Variants in PAFAH1B2 observed in about 807,000 individuals in gnomAD.
PAFAH1B2 encodes platelet activating factor acetylhydrolase 1b catalytic subunit 2, also known as platelet-activating factor acetylhydrolase IB subunit alpha2.
A neutral mutation model predicts 28.0 loss-of-function variants in PAFAH1B2; 8 were observed. That is an observed-to-expected ratio of 0.29 (90% CI 0.17 to 0.52). The LOEUF (loss-of-function observed/expected upper bound fraction) is 0.52. Ranked by LOEUF, PAFAH1B2 falls within the 20% of genes least tolerant of loss-of-function variation. The probability of loss-of-function intolerance (pLI) is 0.97; values close to 1 mark genes in which losing one functional copy is unlikely to be tolerated. For missense variants in PAFAH1B2, 190 were observed against 282.6 expected, an observed-to-expected ratio of 0.67 and a Z score of 2.35; for synonymous variants, 104 against 103.2, an observed-to-expected ratio of 1.01 and a Z score of -0.05.
At chr11:117,148,349 C>CGGCCTCTAT (rs1485146794) in intron 1 of PAFAH1B2, among the ~76,000 whole-genome samples, 2 of 152,034 alleles carry the variant, frequency 1.3e-5, no homozygotes, top group African/African-American at 2.4e-5. Context: ...CCACCATGCC[C>CGGCCTCTAT]GGCCTCTATG....
At chr11:117,145,797 T>C (rs1322001649) in intron 1 of PAFAH1B2, among the ~76,000 whole-genome samples, 2 of 152,110 alleles carry the variant, frequency 1.3e-5, no homozygotes, top group Non-Finnish European at 2.9e-5. Context: ...TTCAACTTTC[T>C]TCATCTGTTT....
At chr11:117,164,414 A>AAG (rs1356470412) in intron 5 of PAFAH1B2, among the ~76,000 whole-genome samples, 1 of 151,874 alleles carries the variant, frequency 6.6e-6, no homozygotes, top group Non-Finnish European at 1.5e-5. Context: ...CTCAAAAAAA[A>AAG]AAAGTATGGA....
At chr11:117,165,299 G>A (rs186163639) in intron 5 of PAFAH1B2, among the ~76,000 whole-genome samples, 38 of 147,708 alleles carry the variant, frequency 2.6e-4, no homozygotes, top group African/African-American at 7.5e-4. Flanking sequence ...GCAGTGAGCC[G>A]AGATCGTGCC....
At chr11:117,163,026 T>A in intron 4 of PAFAH1B2, among the ~76,000 whole-genome samples, 1 of 152,252 alleles carries the variant, frequency 6.6e-6, no homozygotes, top group Non-Finnish European at 1.5e-5. Context: ...TAATCTTTTT[T>A]GTATAATTTT....
intron 2 of PAFAH1B2, 182 bp from the exon 3 acceptor site, chr11:117,159,750 AAG>A: frequency 3.8e-6 from 2 of 523,978 alleles, no homozygotes; most frequent in Non-Finnish European, 6.8e-6. Context: ...AAAAAAAAAA[AAG>A]AAAGAAAAAA....
intron 1 of PAFAH1B2, among the ~76,000 whole-genome samples, chr11:117,149,429 C>CGTTTTTTTTTTT (rs1956092229): frequency 6.0e-5 from 2 of 33,518 alleles, no homozygotes; most frequent in South Asian, 5.8e-4. Flanking sequence ...GTTTTCTAAT[C>CGTTTTTTTTTTT]GTTTTTTTTT....
chr11:117,170,648 G>C lies in PAFAH1B2; in HGVS notation c.*2949G>C, dbSNP rs76205794. On this transcript the variant is annotated 3_prime_UTR_variant, in exon 6 of 6. Transcript: ENST00000527958. ...GTTTAAAAAAAAAAAAAAAAAAAAAGTCCAACTTACTTTATTTTATTTTTT... is the reference window on the plus strand; with the variant it reads ...GTTTAAAAAAAAAAAAAAAAAAAAACTCCAACTTACTTTATTTTATTTTTT... The C allele has an allele frequency of 7.6e-6, 6 of 793,068 alleles. No individual in the cohort carries two copies. The highest frequency in any genetic ancestry group is 2.1e-5 in the African/African-American group (1 of 48,462). The allele number at this position is 793,068 out of a possible 1,614,324, so 49.1% of individuals were successfully genotyped here.
chr11:117,160,372 TCTTA>T (rs1356502783), intron 3 of PAFAH1B2, among the ~76,000 whole-genome samples: 2 of 152,270 alleles, frequency 1.3e-5, no homozygotes, highest in Non-Finnish European at 2.9e-5. Context: ...TAGTCATGAT[TCTTA>T]CTTATATTTT....
chr11:117,155,199 C>T (rs557319636), intron 2 of PAFAH1B2, among the ~76,000 whole-genome samples: 34 of 152,028 alleles, frequency 2.2e-4, no homozygotes, highest in African/African-American at 7.7e-4. Flanking sequence ...AGGTGATCCA[C>T]GCACCTTAGC....
chr11:117,159,978 A>T lies in PAFAH1B2; in HGVS notation c.126A>T (p.Val42=). 6.2e-7 allele frequency: 1 copy of T among 1,614,028 alleles called. No individual in the cohort carries two copies. The highest frequency in any genetic ancestry group is 1.3e-5 in the African/African-American group (1 of 75,048). ...ACTGTAAAGACAAAGAGCCTGATGT[A>T]CTGTTCGTGGGAGACTCCATGGTGC... The part of the protein sequence containing the change: ...VLDCKDKEPD[V]LFVGDSMVQL... Residue 42 remains valine, a synonymous_variant, in exon 3 of 6, where the codon GTA becomes GTT. Transcript: ENST00000527958.
At chr11:117,174,824 A>G (rs1279775177), downstream of PAFAH1B2, 5 of 958,000 alleles carry the variant, frequency 5.2e-6, no homozygotes, top group Admixed American at 5.3e-5. Flanking sequence ...CATGTTGGCC[A>G]GGCTGGTCTC....
At chr11:117,165,101 G>A (rs1308557718) in intron 5 of PAFAH1B2, among the ~76,000 whole-genome samples, 6 of 150,294 alleles carry the variant, frequency 4.0e-5, no homozygotes, top group South Asian at 4.2e-4. Flanking sequence ...GACTACAGGC[G>A]CCCGCCACCA....
At chr11:117,173,315 A>G (rs1565279395), downstream of PAFAH1B2, among the ~76,000 whole-genome samples, 1 of 152,218 alleles carries the variant, frequency 6.6e-6, no homozygotes, top group Non-Finnish European at 1.5e-5. Context: ...CCACTTGGTC[A>G]GAGCTTATCT....
intron 5 of PAFAH1B2, among the ~76,000 whole-genome samples, chr11:117,165,335 G>C (rs1001425540): frequency 9.0e-6 from 1 of 111,526 alleles, no homozygotes; most frequent in Admixed American, 9.3e-5. Flanking sequence ...GGGCAACAGA[G>C]CAAAACTCGG....
chr11:117,170,700 T>C lies in PAFAH1B2; in HGVS notation c.*3001T>C. ...AACCTAGTCACTGTTTACAATTGTA[T>C]GCTAAAGCCTGAAATATTGTCTGTG... On this transcript the variant is annotated 3_prime_UTR_variant, in exon 6 of 6. Transcript: ENST00000527958. The C allele has an allele frequency of 9.4e-7, 1 of 1,060,816 alleles. No individual in the cohort carries two copies. Among genetic ancestry groups the C allele is most frequent in the Non-Finnish European group, 1.1e-6 (1 of 876,540 alleles). 65.7% of individuals were successfully genotyped at this position (1,060,816 alleles called of 1,614,324 possible).
At chr11:117,167,397 T>A (rs761623568) in intron 5 of PAFAH1B2, 24 bp from the exon 6 acceptor site, 1 of 1,523,512 alleles carries the variant, frequency 6.6e-7, no homozygotes, top group Non-Finnish European at 8.8e-7. Context: ...ATCTTCTAAT[T>A]TAATGTTTTC....
At chr11:117,149,495 C>T (rs1481207808) in intron 1 of PAFAH1B2, among the ~76,000 whole-genome samples, 3 of 125,454 alleles carry the variant, frequency 2.4e-5, no homozygotes, top group Non-Finnish European at 4.8e-5. Context: ...GGCACGATCT[C>T]GGCTTACTGC....
In PAFAH1B2 at chr11:117,169,362, A is replaced by T. The variant is rs1233945388; in HGVS notation, c.*1663A>T. 2 of 1,050,964 alleles carry T rather than the reference A, an allele frequency of 1.9e-6. No individual in the cohort carries two copies. The highest frequency in any genetic ancestry group is 1.1e-6 in the Non-Finnish European group (1 of 870,318). 65.1% of individuals were successfully genotyped at this position (1,050,964 alleles called of 1,614,324 possible). On this transcript the variant is annotated 3_prime_UTR_variant, in exon 6 of 6. Coordinates refer to ENST00000527958, the MANE Select transcript of PAFAH1B2 (RefSeq NM_002572.4). ...TGTGGAATATGTACAAACTGGATCT[A>T]TAGATATTTTGAACTGGACCAGGTG...
intron 1 of PAFAH1B2, among the ~76,000 whole-genome samples, chr11:117,149,175 G>A (rs1041609880): frequency 5.3e-5 from 8 of 150,664 alleles, no homozygotes; most frequent in South Asian, 2.1e-4. Context: ...GAGCCACTGC[G>A]CCCAGCCCAA....
Sources: allele counts gnomAD v4.1 joint callset (sites outside exome capture counted in the v4.1 genomes callset), GRCh38; gene constraint gnomAD v4.1.1; transcripts MANE v1.5; gene names NCBI Gene and HGNC (gene_info 2026-07-23, HGNC 2026-07-21).